The following SERF1B variants were observed in gnomAD, a reference collection of about 807,000 sequenced individuals.
SERF1B encodes the protein small EDRK-rich factor 1.
chr5:70,038,336 C>T (rs1371409939), intron 2 of SERF1B, among the ~76,000 whole-genome samples: 12 of 119,872 alleles, frequency 1.0e-4, no homozygotes, highest in African/African-American at 2.1e-4. Context: ...AGTGGCCAGG[C>T]GCCGTGGCTC....
chr5:70,029,077 T>C (rs1227434626), intron 2 of SERF1B, among the ~76,000 whole-genome samples: 1 of 151,998 alleles, frequency 6.6e-6, no homozygotes, highest in African/African-American at 2.4e-5. Flanking sequence ...TCTGATTTAA[T>C]TGGTCAGAGG....
intron 2 of SERF1B, chr5:70,029,816 G>A (rs1774127699): frequency 2.3e-6 from 1 of 442,932 alleles, no homozygotes; most frequent in Non-Finnish European, 4.5e-6. Flanking sequence ...CCACAGTCTC[G>A]GTTCACTGCA....
At chr5:70,029,255 CA>C (rs560851875) in intron 2 of SERF1B, among the ~76,000 whole-genome samples, 749 of 151,558 alleles carry the variant, frequency 4.9e-3, no homozygotes, top group African/African-American at 0.017. Flanking sequence ...CCTGCGTCAG[CA>C]ATCCAAGTAG....
intron 2 of SERF1B, among the ~76,000 whole-genome samples, chr5:70,029,372 G>C (rs1192365255): frequency 1.3e-5 from 2 of 150,880 alleles, no homozygotes; most frequent in African/African-American, 4.9e-5. Flanking sequence ...CTGACCTCAA[G>C]TGATCCACCC....
intron 2 of SERF1B, among the ~76,000 whole-genome samples, chr5:70,035,383 A>ATTATTTTT (rs1554065471): frequency 2.2e-5 from 3 of 136,572 alleles, no homozygotes; most frequent in Non-Finnish European, 4.8e-5. Context: ...TATTATTATT[A>ATTATTTTT]TTTTTTTTTT....
At chr5:70,038,374 G>A (rs1774229087) in intron 2 of SERF1B, among the ~76,000 whole-genome samples, 1 of 103,302 alleles carries the variant, frequency 9.7e-6, no homozygotes, top group African/African-American at 4.2e-5. Flanking sequence ...ACTTTGGGAG[G>A]CCGAGGTGGG....
At chr5:70,036,519 C>T in intron 2 of SERF1B, among the ~76,000 whole-genome samples, 1 of 111,466 alleles carries the variant, frequency 9.0e-6, no homozygotes, top group Non-Finnish European at 1.8e-5. Flanking sequence ...CCCAGAAGGT[C>T]AAGGCTGCAG....
chr5:70,036,651 TC>T (rs1774193667), intron 2 of SERF1B, among the ~76,000 whole-genome samples: 3 of 150,582 alleles, frequency 2.0e-5, no homozygotes, highest in Admixed American at 2.0e-4. Context: ...TCTCTCTCTC[TC>T]TCTCTCTCTC....
chr5:70,028,956 G>A (rs1361695280), intron 2 of SERF1B, among the ~76,000 whole-genome samples: 4 of 151,782 alleles, frequency 2.6e-5, no homozygotes, highest in South Asian at 4.2e-4. Flanking sequence ...CAGCCTGGGC[G>A]ACAGAGCGAG....
At chr5:70,037,621 T>C (rs1580717042) in intron 2 of SERF1B, among the ~76,000 whole-genome samples, 3 of 138,870 alleles carry the variant, frequency 2.2e-5, no homozygotes, top group African/African-American at 5.7e-5. Flanking sequence ...TGCACTCCAG[T>C]CTGGGTGACA....
chr5:70,036,625 A>ACTCTCTCTCT (rs1217735761), intron 2 of SERF1B, among the ~76,000 whole-genome samples: 18 of 51,716 alleles, frequency 3.5e-4, no homozygotes, highest in East Asian at 2.1e-3. Context: ...ACACACACAC[A>ACTCTCTCTCT]CACACTCTCT....
chr5:70,036,640 C>CTCTCTCTG, intron 2 of SERF1B, among the ~76,000 whole-genome samples: 1 of 150,694 alleles, frequency 6.6e-6, no homozygotes, highest in African/African-American at 2.5e-5. Context: ...CTCTCTCTCT[C>CTCTCTCTG]TCTCTCTCTC....
At chr5:70,038,102 A>G (rs1774222209) in intron 2 of SERF1B, among the ~76,000 whole-genome samples, 1 of 139,340 alleles carries the variant, frequency 7.2e-6, no homozygotes, top group African/African-American at 2.8e-5. Context: ...GAGCCTTGGT[A>G]TTTAAAAGAA....
intron 2 of SERF1B, among the ~76,000 whole-genome samples, chr5:70,036,625 A>ACTCTCTCTCTCTCTCTCT (rs1217735761): frequency 1.9e-5 from 1 of 51,734 alleles, no homozygotes; most frequent in South Asian, 7.3e-4. Context: ...ACACACACAC[A>ACTCTCTCTCTCTCTCTCT]CACACTCTCT....
At chr5:70,040,943 CT>C (rs1324797210) in intron 2 of SERF1B, among the ~76,000 whole-genome samples, 108 of 151,492 alleles carry the variant, frequency 7.1e-4, no homozygotes, top group African/African-American at 2.6e-3. Flanking sequence ...CACTTTGGGG[CT>C]GTTATGAATA....
At chr5:70,029,527 TAGATATAC>T (rs1159515389) in intron 2 of SERF1B, among the ~76,000 whole-genome samples, 4 of 148,404 alleles carry the variant, frequency 2.7e-5, no homozygotes, top group African/African-American at 1.0e-4. Context: ...GTTTGTTACA[TAGATATAC>T]ATGTGCCATG....
intron 2 of SERF1B, among the ~76,000 whole-genome samples, chr5:70,036,916 T>TA (rs1397662998): frequency 1.7e-5 from 1 of 58,016 alleles, no homozygotes; most frequent in Admixed American, 1.9e-4. Context: ...ACATGAAACT[T>TA]ACTACAGGTT....
chr5:70,041,312 C>T (rs1253852867), intron 2 of SERF1B, among the ~76,000 whole-genome samples: 3 of 147,332 alleles, frequency 2.0e-5, no homozygotes, highest in Non-Finnish European at 2.9e-5. Flanking sequence ...TATACACACA[C>T]GTATACTCTC....
intron 2 of SERF1B, among the ~76,000 whole-genome samples, chr5:70,036,659 TCTCTCA>T: frequency 6.7e-6 from 1 of 150,290 alleles, no homozygotes; most frequent in East Asian, 2.0e-4. Flanking sequence ...TCTCTCTCTC[TCTCTCA>T]AAAACACTTG....
Sources: allele counts gnomAD v4.1 joint callset (sites outside exome capture counted in the v4.1 genomes callset), GRCh38; gene constraint gnomAD v4.1.1; transcripts MANE v1.5; gene names NCBI Gene and HGNC (gene_info 2026-07-23, HGNC 2026-07-21).